CACNA1C: variants seen among roughly 807,000 people sequenced by gnomAD.
The protein encoded by CACNA1C is calcium voltage-gated channel subunit alpha1 C.
A neutral mutation model predicts 229.0 loss-of-function variants in CACNA1C; 30 were observed. That is an observed-to-expected ratio of 0.13 (90% CI 0.10 to 0.18). The LOEUF (loss-of-function observed/expected upper bound fraction) is 0.18. CACNA1C is among the 10% of genes least tolerant of loss of function. The pLI, the probability that CACNA1C is intolerant of heterozygous loss-of-function variation, is 1.00. For missense variants in CACNA1C, 1,658 were observed against 2,845.0 expected (o/e 0.58, Z 9.49); for synonymous variants, 1,114 against 1,132.5 (o/e 0.98, Z 0.33).
At chr12:2,093,834 C>T (rs929672219) in intron 1 of CACNA1C, among the ~76,000 whole-genome samples, 2 of 152,198 alleles carry the variant, frequency 1.3e-5, no homozygotes, top group African/African-American at 4.8e-5. Flanking sequence ...GTGCCTAGTG[C>T]CTGCAGTTGC....
intron 3 of CACNA1C, among the ~76,000 whole-genome samples, chr12:2,323,110 T>C (rs1410156378): frequency 1.3e-5 from 2 of 152,154 alleles, no homozygotes; most frequent in Admixed American, 1.3e-4. Context: ...GCCTTCCTCC[T>C]TCCTTCCCTG....
At chr12:2,551,973 G>A (rs2154592262) in intron 10 of CACNA1C, among the ~76,000 whole-genome samples, 1 of 152,294 alleles carries the variant, frequency 6.6e-6, no homozygotes, top group Non-Finnish European at 1.5e-5. Flanking sequence ...ACATGTTTGA[G>A]GTTGTTGGGA....
In CACNA1C at chr12:2,602,095, T is replaced by A. The variant is rs994644165; in HGVS notation, c.2960+135T>A. On this transcript the variant is annotated intron_variant, in intron 22 of 46. Coordinates refer to ENST00000399655, the MANE Select transcript of CACNA1C (RefSeq NM_000719.7). The surrounding 1 kb of genome is among the most constrained non-coding windows in gnomAD (Gnocchi z 4.4). The stretch of plus-strand genomic sequence containing the variant: ...GAGTGGGGTGGGGCCTCCAAAGCTG[T>A]GCATGGTGGCTTTGGGTTCTTGGTT... 1 of 650,298 alleles carries A rather than the reference T, an allele frequency of 1.5e-6. No individual in the cohort carries two copies. Among genetic ancestry groups the A allele is most frequent in the Non-Finnish European group, 2.8e-6 (1 of 357,714 alleles). The allele number at this position is 650,298 out of a possible 1,614,324, so 40.3% of individuals were successfully genotyped here. A position where few individuals can be genotyped will look rare whatever the true frequency, so the allele number is the denominator to read the frequency against.
intron 5 of CACNA1C, among the ~76,000 whole-genome samples, chr12:2,464,634 C>T (rs1026455539): frequency 1.3e-5 from 2 of 152,170 alleles, no homozygotes; most frequent in Non-Finnish European, 2.9e-5. Flanking sequence ...TCGTGGGATA[C>T]GTTTTTCCTA....
At chr12:2,209,954 G>A (rs1250548793) in intron 3 of CACNA1C, among the ~76,000 whole-genome samples, 2 of 152,198 alleles carry the variant, frequency 1.3e-5, no homozygotes, top group Non-Finnish European at 2.9e-5. Flanking sequence ...GATGCAGCAA[G>A]TCAAGCTATA....
At chr12:2,466,358 A>G (rs1188286038) in intron 5 of CACNA1C, among the ~76,000 whole-genome samples, 1 of 152,208 alleles carries the variant, frequency 6.6e-6, no homozygotes, top group Non-Finnish European at 1.5e-5. Context: ...GCTAGGCAGC[A>G]GGCATGGTCC....
At chr12:2,250,554 G>A (rs985838562) in intron 3 of CACNA1C, among the ~76,000 whole-genome samples, 3 of 152,178 alleles carry the variant, frequency 2.0e-5, no homozygotes, top group Non-Finnish European at 2.9e-5. Context: ...GATGGCCTAC[G>A]CTGTAGCTGA....
At chr12:2,259,901 A>C (rs1347292901) in intron 3 of CACNA1C, among the ~76,000 whole-genome samples, 1 of 151,740 alleles carries the variant, frequency 6.6e-6, no homozygotes, top group East Asian at 1.9e-4. Context: ...GTACTTCTGC[A>C]CTCCAGCCTG....
intron 3 of CACNA1C, among the ~76,000 whole-genome samples, chr12:2,259,129 C>T (rs1330303985): frequency 6.6e-6 from 1 of 152,188 alleles, no homozygotes; most frequent in African/African-American, 2.4e-5. Context: ...GGAAAGGTAG[C>T]TTAAAGCAGT....
chr12:1,980,240 T>C (rs1050125437), intron 1 of CACNA1C, among the ~76,000 whole-genome samples: 3 of 152,214 alleles, frequency 2.0e-5, no homozygotes, highest in Admixed American at 2.0e-4. Context: ...GGAGAATAAA[T>C]AGACTGCAAT....
At chr12:2,394,012 G>A (rs1043463690) in intron 3 of CACNA1C, among the ~76,000 whole-genome samples, 21 of 151,994 alleles carry the variant, frequency 1.4e-4, no homozygotes, top group African/African-American at 5.1e-4. Flanking sequence ...GGCTAAAGCA[G>A]GAGGATCTCT....
At chr12:2,118,506 T>A (rs1044012325) in intron 2 of CACNA1C, among the ~76,000 whole-genome samples, 1 of 152,208 alleles carries the variant, frequency 6.6e-6, no homozygotes, top group Non-Finnish European at 1.5e-5. Flanking sequence ...TGAGCTTGGA[T>A]CCCATCCTAC....
intron 1 of CACNA1C, among the ~76,000 whole-genome samples, chr12:1,996,626 A>C (rs1380159988): frequency 1.7e-5 from 1 of 60,466 alleles, no homozygotes; most frequent in Admixed American, 1.5e-4. Context: ...TAAAAAAAAA[A>C]AAAAAAAAAA....
chr12:2,218,336 T>C (rs1486924074), intron 3 of CACNA1C, among the ~76,000 whole-genome samples: 4 of 152,210 alleles, frequency 2.6e-5, no homozygotes, highest in Non-Finnish European at 5.9e-5. Context: ...AAACCTGCTT[T>C]ATGGCAAACT....
chr12:2,295,504 T>C (rs1358010485), intron 3 of CACNA1C, among the ~76,000 whole-genome samples: 1 of 152,188 alleles, frequency 6.6e-6, no homozygotes, highest in African/African-American at 2.4e-5. Context: ...TTCTTGTACT[T>C]CCTTTAGTCC....
chr12:2,000,376 A>C (rs112650196), intron 1 of CACNA1C, among the ~76,000 whole-genome samples: 4,163 of 152,226 alleles, frequency 0.027, 95 homozygotes, highest in Middle Eastern at 0.054. Context: ...AGATCTGAAT[A>C]AGGATATCTA....
At position 2,678,709 on chromosome 12, in the gene CACNA1C, A is replaced by C. The variant is rs1436571577; in HGVS notation, c.5092-735A>C. 6.6e-6 allele frequency among the ~76,000 whole-genome samples: 1 copy of C among 152,170 alleles called. No homozygotes were observed. The highest frequency in any genetic ancestry group is 1.5e-5 in the Non-Finnish European group (1 of 68,030). On this transcript the variant is annotated intron_variant, in intron 41 of 46. Transcript: ENST00000399655. This position sits in a 1 kb window ranked among gnomAD's most constrained non-coding sequence, Gnocchi z 4.1. ...TGTCACTGGGAGACATTCGTCACTG[A>C]GTGGCCTCAGGGACATGGCATGGTG...
chr12:2,690,709 T>A (rs2097770171), intron 46 of CACNA1C, 191 bp from the exon 47 acceptor site: 2 of 584,650 alleles, frequency 3.4e-6, no homozygotes, highest in Admixed American at 6.3e-5. Context: ...ACATCCCTAA[T>A]TCTGGCAGAT....
intron 29 of CACNA1C, among the ~76,000 whole-genome samples, chr12:2,623,037 C>T (rs1264535551): frequency 1.6e-4 from 25 of 152,276 alleles, no homozygotes; most frequent in East Asian, 1.9e-4. Flanking sequence ...AGGGAAATGC[C>T]TTAAAATCTT....
Sources: gnomAD v4.1 joint callset for allele counts (sites outside exome capture counted in the v4.1 genomes callset) on GRCh38, gnomAD v4.1.1 for gene constraint, Gnocchi (gnomAD v3.1) non-coding constraint, MANE v1.5 for transcripts, NCBI Gene and HGNC (gene_info 2026-07-23, HGNC 2026-07-21) for gene names.